Variants in MYBL2 observed in about 807,000 individuals in gnomAD.
MYBL2 encodes myb-related protein B.
A neutral mutation model predicts 79.9 loss-of-function variants in MYBL2; 28 were observed. The observed-to-expected ratio is 0.35, with a 90% CI of 0.26 to 0.48. MYBL2 has a LOEUF of 0.48. Ranked by LOEUF, MYBL2 falls within the 20% of genes least tolerant of loss-of-function variation. MYBL2 has a pLI of 0.99. For synonymous variants in MYBL2, 378 were observed against 361.2 expected (o/e 1.05, Z -0.53); for missense variants, 735 against 893.9 (o/e 0.82, Z 2.27).
intron 6 of MYBL2, among the ~76,000 whole-genome samples, chr20:43,695,969 G>A (rs1449828290): frequency 2.0e-5 from 3 of 152,086 alleles, no homozygotes; most frequent in Non-Finnish European, 4.4e-5. Flanking sequence ...AGTGAGCCGA[G>A]TTCGCACTGC....
At chr20:43,698,202 A>G (rs1600557397) in intron 6 of MYBL2, among the ~76,000 whole-genome samples, 1 of 151,334 alleles carries the variant, frequency 6.6e-6, no homozygotes, top group African/African-American at 2.4e-5. Flanking sequence ...TATAATTTAC[A>G]TACAATAAAA....
intron 2 of MYBL2, 98 bp from the exon 3 acceptor site, chr20:43,681,686 T>G: frequency 8.1e-7 from 1 of 1,234,640 alleles, no homozygotes; most frequent in South Asian, 1.2e-5. Flanking sequence ...ACGGAATGGA[T>G]GAACGAGGCT....
intron 8 of MYBL2, among the ~76,000 whole-genome samples, chr20:43,704,402 T>C (rs917058641): frequency 6.6e-6 from 1 of 152,058 alleles, no homozygotes; most frequent in Non-Finnish European, 1.5e-5. Context: ...GGATGTAAAT[T>C]TGGGGGAGAC....
At chr20:43,693,903 C>A (rs1987472460) in intron 6 of MYBL2, among the ~76,000 whole-genome samples, 1 of 151,952 alleles carries the variant, frequency 6.6e-6, no homozygotes, top group Admixed American at 6.6e-5. Flanking sequence ...GGAAAATTAG[C>A]TGTGTGTGAT....
chr20:43,667,904 C>A (rs972896545), intron 1 of MYBL2, among the ~76,000 whole-genome samples: 1 of 152,166 alleles, frequency 6.6e-6, no homozygotes, highest in Non-Finnish European at 1.5e-5. Context: ...TTTGAGACCT[C>A]TCTTCCTGTT....
intron 4 of MYBL2, among the ~76,000 whole-genome samples, chr20:43,686,582 T>C (rs1987278342): frequency 1.3e-5 from 2 of 152,194 alleles, no homozygotes; most frequent in African/African-American, 4.8e-5. Flanking sequence ...CCCCACTTGA[T>C]CTCTACTCTA....
At chr20:43,701,444 A>G (rs546674864) in intron 7 of MYBL2, among the ~76,000 whole-genome samples, 123 of 152,298 alleles carry the variant, frequency 8.1e-4, no homozygotes, top group African/African-American at 2.8e-3. Context: ...GCCAGAACCC[A>G]AAGACCAAAG....
Position 43,686,834 on chromosome 20 carries a change from C to T in MYBL2, c.280-18C>T, listed in dbSNP as rs1364201018. 3.7e-6 allele frequency: 6 copies of T among 1,612,068 alleles called. No homozygotes were observed. Among genetic ancestry groups the T allele is most frequent in the Non-Finnish European group, 5.1e-6 (6 of 1,178,538 alleles). The stretch of plus-strand genomic sequence containing the variant: ...AGAGGGGCCGGTGCAAGTGGCTACC[C>T]AGAGACTTTTCTCTAAGGTCATCGA... On this transcript the variant is annotated intron_variant, in intron 4 of 13. Transcript: ENST00000217026.
At chr20:43,668,496 G>T (rs928507817) in intron 1 of MYBL2, among the ~76,000 whole-genome samples, 2 of 151,918 alleles carry the variant, frequency 1.3e-5, no homozygotes, top group Non-Finnish European at 2.9e-5. Flanking sequence ...CACCTTGCCC[G>T]GCCAAACTTC....
chr20:43,670,501 G>A (rs1268596348), intron 1 of MYBL2, among the ~76,000 whole-genome samples: 1 of 152,118 alleles, frequency 6.6e-6, no homozygotes, highest in East Asian at 1.9e-4. Context: ...TGACTAATAG[G>A]CAGCAGCTTT....
chr20:43,674,234 C>CTTTTT (rs1555809925), intron 2 of MYBL2, among the ~76,000 whole-genome samples: 2 of 72,230 alleles, frequency 2.8e-5, no homozygotes, highest in African/African-American at 4.3e-5. Flanking sequence ...TCCCCCCACC[C>CTTTTT]TTTTTTTTTT....
At chr20:43,700,260 T>G (rs375701938) in intron 7 of MYBL2, among the ~76,000 whole-genome samples, 1 of 152,050 alleles carries the variant, frequency 6.6e-6, no homozygotes, top group South Asian at 2.1e-4. Context: ...AGCAGGAGTT[T>G]GTGGTGGCAT....
intron 2 of MYBL2, among the ~76,000 whole-genome samples, chr20:43,681,237 G>T (rs426346): frequency 0.011 from 1,644 of 152,236 alleles, 21 homozygotes; most frequent in Non-Finnish European, 0.012. Flanking sequence ...GTTCAGTAAT[G>T]ACCTCCTTAT....
intron 2 of MYBL2, among the ~76,000 whole-genome samples, chr20:43,681,468 C>G (rs1043130386): frequency 1.3e-5 from 2 of 152,194 alleles, no homozygotes; most frequent in Non-Finnish European, 1.5e-5. Flanking sequence ...TTTAGCTATT[C>G]TGCATTTCCT....
Position 43,711,609 on chromosome 20 carries a change from G to T in MYBL2, c.1719+8G>T. The T allele has an allele frequency of 1.9e-6, 3 of 1,607,146 alleles. No homozygotes were observed. Among genetic ancestry groups the T allele is most frequent in the Non-Finnish European group, 1.7e-6 (2 of 1,176,462 alleles). On this transcript the variant is annotated splice_region_variant and intron_variant, in intron 11 of 13. Coordinates refer to ENST00000217026, the MANE Select transcript of MYBL2 (RefSeq NM_002466.4). ...CAGAAGAGGAAGCCTGGGGTGAGTA[G>T]GGTAGGGGTGGGAGAGCCTGGGCAG...
chr20:43,700,668 G>T (rs1987658443), intron 7 of MYBL2, among the ~76,000 whole-genome samples: 1 of 152,092 alleles, frequency 6.6e-6, no homozygotes, highest in African/African-American at 2.4e-5. Context: ...CAGTATGGGG[G>T]TCCGTGTTCG....
Position 43,711,596 on chromosome 20 carries a change from C to T in MYBL2, c.1714C>T (p.Pro572Ser). The change falls in exon 11 of 14, where the codon CCT (proline) becomes TCT (serine). Residue 572 changes from proline (P) to serine (S), a missense_variant. By Grantham distance (74) the Pro-to-Ser change is moderately conservative. Coordinates refer to ENST00000217026, the MANE Select transcript of MYBL2 (RefSeq NM_002466.4). ...DIRPEKQKRK[P>S]GLRRSPIKKV... Reference sequence around the variant, plus strand: ...CAGGCCCGAGAAGCAGAAGAGGAAGCCTGGGGTGAGTAGGGTAGGGGTGGG... The same window carrying T: ...CAGGCCCGAGAAGCAGAAGAGGAAGTCTGGGGTGAGTAGGGTAGGGGTGGG... The T allele has an allele frequency of 6.2e-7, 1 of 1,612,034 alleles. No individual in the cohort carries two copies. The highest frequency in any genetic ancestry group is 8.5e-7 in the Non-Finnish European group (1 of 1,179,034).
At chr20:43,676,640 CTT>C (rs747821206) in intron 2 of MYBL2, among the ~76,000 whole-genome samples, 2 of 152,268 alleles carry the variant, frequency 1.3e-5, no homozygotes, top group Non-Finnish European at 2.9e-5. Context: ...TTGCATAAGT[CTT>C]TTTGCAAATA....
At chr20:43,690,108 T>C (rs751088988) in intron 5 of MYBL2, among the ~76,000 whole-genome samples, 22 of 152,118 alleles carry the variant, frequency 1.4e-4, no homozygotes, top group South Asian at 4.1e-4. Context: ...ATGCGAGGTA[T>C]GTACATATGA....
Sources: allele counts gnomAD v4.1 joint callset (sites outside exome capture counted in the v4.1 genomes callset), GRCh38; gene constraint gnomAD v4.1.1; transcripts MANE v1.5; gene names NCBI Gene and HGNC (gene_info 2026-07-23, HGNC 2026-07-21).